Variants in NWD2 observed in about 807,000 individuals in gnomAD.
The protein encoded by NWD2 is NACHT and WD repeat domain containing 2, also known as NACHT and WD repeat domain-containing protein 2.
A neutral mutation model predicts 132.7 loss-of-function variants in NWD2; 37 were observed. The observed-to-expected ratio is 0.28, with a 90% CI of 0.21 to 0.37. The LOEUF is 0.37. Among genes scored for constraint, NWD2 ranks in the 10% least tolerant of loss-of-function variants. The pLI is 1.00. For missense variants in NWD2, 1,592 were observed against 2,122.4 expected (o/e 0.75, Z 4.91); for synonymous variants, 705 against 803.0 (o/e 0.88, Z 2.06).
chr4:37,395,126 G>A (rs1355431037), intron 3 of NWD2, among the ~76,000 whole-genome samples: 1 of 151,870 alleles, frequency 6.6e-6, no homozygotes, highest in African/African-American at 2.4e-5. Context: ...ATTCTTAACT[G>A]AGACCTCACC....
chr4:37,348,192 A>G (rs1719675621), intron 2 of NWD2, among the ~76,000 whole-genome samples: 1 of 152,198 alleles, frequency 6.6e-6, no homozygotes. Flanking sequence ...GAACCAGAAA[A>G]TAAGAGTAAG....
chr4:37,388,704 G>GTATATATCATATATAAATATATGATAT (rs1560410308), intron 3 of NWD2, among the ~76,000 whole-genome samples: 1 of 108,854 alleles, frequency 9.2e-6, no homozygotes, highest in African/African-American at 4.6e-5. Context: ...ATAAATATAT[G>GTATATATCATATATAAATATATGATAT]ATATATAAAT....
intron 1 of NWD2, among the ~76,000 whole-genome samples, chr4:37,316,859 G>T (rs1440019759): frequency 6.6e-6 from 1 of 151,940 alleles, no homozygotes; most frequent in African/African-American, 2.4e-5. Context: ...AACAATTCTA[G>T]ATCCTGATTT....
intron 3 of NWD2, among the ~76,000 whole-genome samples, chr4:37,383,227 A>G (rs903566531): frequency 4.6e-5 from 7 of 152,166 alleles, no homozygotes; most frequent in African/African-American, 1.4e-4. Context: ...TCTAACACAT[A>G]TGGGACTAGC....
intron 2 of NWD2, among the ~76,000 whole-genome samples, chr4:37,335,085 C>T (rs1719373169): frequency 6.6e-6 from 1 of 152,064 alleles, no homozygotes; most frequent in African/African-American, 2.4e-5. Context: ...TATTTTTAAA[C>T]ACCAATCTGA....
chr4:37,349,649 G>A (rs1247768782), intron 2 of NWD2, among the ~76,000 whole-genome samples: 1 of 152,184 alleles, frequency 6.6e-6, no homozygotes, highest in East Asian at 1.9e-4. Context: ...TGTTCACTCT[G>A]ATGATAGTTT....
At chr4:37,332,291 T>C (rs558666857) in intron 2 of NWD2, among the ~76,000 whole-genome samples, 1 of 152,064 alleles carries the variant, frequency 6.6e-6, no homozygotes, top group African/African-American at 2.4e-5. Context: ...TCCTTCCACT[T>C]GAGTGATGGA....
At chr4:37,405,360 A>AGGG (rs1720977340) in intron 3 of NWD2, among the ~76,000 whole-genome samples, 1 of 152,116 alleles carries the variant, frequency 6.6e-6, no homozygotes. Context: ...TAGCAGTCTA[A>AGGG]TAGTAGATCA....
At chr4:37,416,431 A>G (rs370782290) in intron 3 of NWD2, among the ~76,000 whole-genome samples, 3 of 152,168 alleles carry the variant, frequency 2.0e-5, no homozygotes, top group Admixed American at 6.6e-5. Context: ...AAGAATGGCC[A>G]TAATCAAAAA....
intron 3 of NWD2, among the ~76,000 whole-genome samples, chr4:37,425,053 A>G (rs1048785425): frequency 3.3e-5 from 5 of 152,250 alleles, no homozygotes; most frequent in African/African-American, 1.2e-4. Flanking sequence ...CTATATCAGC[A>G]TATAAAGAAG....
rs547353610 is a variant in NWD2, at chr4:37,251,973, T to C, written c.151+6755T>C. On this transcript the variant is annotated intron_variant, in intron 1 of 6. Transcript: ENST00000309447. ...AGGGTATTTACATAAATAATACATATGTGACGAGCACTGTGCTAATGATAT... is the reference window on the plus strand; with the variant it reads ...AGGGTATTTACATAAATAATACATACGTGACGAGCACTGTGCTAATGATAT... Among the ~76,000 whole-genome samples the C allele has an allele frequency of 9.2e-4, 140 of 152,298 alleles. 2 individuals are homozygous for C. The highest frequency in any genetic ancestry group is 2.7e-3 in the Admixed American group (41 of 15,294).
chr4:37,433,902 C>T lies in NWD2; in HGVS notation c.588C>T (p.Asn196=), dbSNP rs17604216. Reference sequence around the variant, plus strand: ...TGCAGCCTTCTACCAATGCTGAAAACGAGAAGACATGGCAAGAGATATCAG... The same window carrying T: ...TGCAGCCTTCTACCAATGCTGAAAATGAGAAGACATGGCAAGAGATATCAG... ...NAMQPSTNAE[N]EKTWQEISDE... is the part of the protein sequence containing the mutation. The change falls in exon 5 of 7, where the codon AAC becomes AAT. Residue 196 remains asparagine, a synonymous_variant. Transcript: ENST00000309447. 50,015 of 1,544,702 alleles carry T rather than the reference C, an allele frequency of 0.032. 2,457 individuals carry two copies. Among genetic ancestry groups the T allele is most frequent in the African/African-American group, 0.2 (14,877 of 72,824 alleles).
At position 37,443,744 on chromosome 4, in the gene NWD2, C is replaced by T; in HGVS notation, c.1756C>T (p.Leu586=). ...CAGCCAGGTCCTCAAACACCAGCTG[C>T]TGCGCGTCAAAAGGAAGGTCACATC... The part of the protein sequence containing the change: ...MCSQVLKHQL[L]RVKRKVTSGQ... The change falls in exon 7 of 7, where the codon CTG becomes TTG. Residue 586 remains leucine (L), a synonymous_variant. Transcript: ENST00000309447. The surrounding 1 kb of genome is among the most constrained non-coding windows in gnomAD (Gnocchi z 4.1). The T allele has an allele frequency of 6.4e-7, 1 of 1,551,924 alleles. No individual in the cohort carries two copies. The highest frequency in any genetic ancestry group is 8.7e-7 in the Non-Finnish European group (1 of 1,147,066).
intron 1 of NWD2, among the ~76,000 whole-genome samples, chr4:37,305,683 CTG>C (rs1314073081): frequency 6.6e-6 from 1 of 152,024 alleles, no homozygotes; most frequent in African/African-American, 2.4e-5. Flanking sequence ...TCCTAGTTGA[CTG>C]TGGTATAGAA....
At position 37,444,828 on chromosome 4, in the gene NWD2, C is replaced by T. The variant is rs751467225; in HGVS notation, c.2840C>T (p.Pro947Leu). The T allele has an allele frequency of 6.4e-7, 1 of 1,552,104 alleles. No individual in the cohort carries two copies. The highest frequency in any genetic ancestry group is 1.2e-5 in the South Asian group (1 of 84,058). The change falls in exon 7 of 7, where the codon CCA (proline) becomes CTA (leucine). Residue 947 changes from proline (P) to leucine (L), a missense_variant. By Grantham distance (98) the Pro-to-Leu change is moderately conservative. Around this residue, in one of 7 missense-constraint regions of NWD2, gnomAD observed 1,071 missense variants for 1,398.0 expected, o/e 0.77. Coordinates refer to ENST00000309447, the MANE Select transcript of NWD2 (RefSeq NM_001144990.2). This position sits in a 1 kb window ranked among gnomAD's most constrained non-coding sequence, Gnocchi z 4.8. ...GGGCCCAAATATTGCTCCATTGTAC[C>T]ACTGCATTCATCCATGGATGTGACA... ...KDGPKYCSIV[P>L]LHSSMDVTYS...
At chr4:37,335,583 T>G (rs72624115) in intron 2 of NWD2, among the ~76,000 whole-genome samples, 32,491 of 151,902 alleles carry the variant, frequency 0.21, 4,324 homozygotes, top group East Asian at 0.42. Flanking sequence ...CTGGGCCACA[T>G]GGCAGGAGGT....
intron 1 of NWD2, among the ~76,000 whole-genome samples, 183 bp downstream of exon 1, chr4:37,245,401 G>T (rs907707833): frequency 6.6e-6 from 1 of 152,128 alleles, no homozygotes; most frequent in East Asian, 1.9e-4. Context: ...CTCGCTGGCC[G>T]GTTTTGCCTG....
At chr4:37,352,808 A>G (rs190360244) in intron 2 of NWD2, among the ~76,000 whole-genome samples, 1 of 152,208 alleles carries the variant, frequency 6.6e-6, no homozygotes, top group East Asian at 1.9e-4. Flanking sequence ...TCCTTATCCA[A>G]TTTGCCAGCC....
intron 1 of NWD2, among the ~76,000 whole-genome samples, chr4:37,257,950 A>G (rs953360674): frequency 2.0e-5 from 3 of 152,234 alleles, no homozygotes; most frequent in Non-Finnish European, 2.9e-5. Flanking sequence ...CACTTTCACC[A>G]TTTAATGTCA....
Sources: gnomAD v4.1 joint callset for allele counts (sites outside exome capture counted in the v4.1 genomes callset) on GRCh38, gnomAD v4.1.1 for gene constraint, gnomAD v4.1.1 regional missense constraint, Gnocchi (gnomAD v3.1) non-coding constraint, MANE v1.5 for transcripts, NCBI Gene and HGNC (gene_info 2026-07-23, HGNC 2026-07-21) for gene names.